EFHC1: variants seen among roughly 807,000 people sequenced by gnomAD.
The protein encoded by EFHC1 is EF-hand domain containing 1.
Under a neutral mutation model 69.9 loss-of-function variants are expected in EFHC1, and 53 were observed. That is an observed-to-expected ratio of 0.76 (90% CI 0.61 to 0.95). EFHC1 has a LOEUF of 0.95. EFHC1 is among the 40% of genes least tolerant of loss of function. The pLI is 0.00. For missense variants in EFHC1, 739 were observed against 798.7 expected, an observed-to-expected ratio of 0.93 and a Z score of 0.90; for synonymous variants, 256 against 278.4, an observed-to-expected ratio of 0.92 and a Z score of 0.80.
chr6:52,447,656 T>G (rs1025584476), intron 3 of EFHC1, among the ~76,000 whole-genome samples: 3 of 152,264 alleles, frequency 2.0e-5, no homozygotes, highest in African/African-American at 7.2e-5. Flanking sequence ...CTCTGATTTT[T>G]AGAATTTTTA....
At chr6:52,481,990 C>T (rs1765686853) in intron 9 of EFHC1, 1 of 152,140 alleles carries the variant, frequency 6.6e-6, no homozygotes, top group African/African-American at 2.4e-5. Context: ...TAAAAAATAA[C>T]ATGCAAAACA....
chr6:52,464,883 A>ATATAAGTTC lies in EFHC1; in HGVS notation c.917-11_917-10insATAAGTTCT. 2 of 1,609,522 alleles carry ATATAAGTTC rather than the reference A, an allele frequency of 1.2e-6. No individual in the cohort carries two copies. The highest frequency in any genetic ancestry group is 1.7e-6 in the Non-Finnish European group (2 of 1,175,874). On this transcript the variant is annotated splice_polypyrimidine_tract_variant and intron_variant, in intron 5 of 10. Transcript: ENST00000371068. Reference sequence around the variant, plus strand: ...TCCTTCTTTTTTTCTCTCTAACACCATCTTATATTAGAGAACTTCCCTCAG... The same window carrying ATATAAGTTC: ...TCCTTCTTTTTTTCTCTCTAACACCATATAAGTTCTCTTATATTAGAGAACTTCCCTCAG...
chr6:52,439,748 A>G (rs1476723255), intron 3 of EFHC1, among the ~76,000 whole-genome samples: 1 of 152,270 alleles, frequency 6.6e-6, no homozygotes, highest in East Asian at 1.9e-4. Flanking sequence ...AAGTAAAGAA[A>G]GGAGCCATGG....
In EFHC1 at chr6:52,447,937, C is replaced by T. The variant is rs532447534; in HGVS notation, c.574-4751C>T. ...TGCCTGATCCTTCCTCTGGAAGCTT[C>T]GTCTCAGAGGGGCACCTGGCTGTAT... On this transcript the variant is annotated intron_variant, in intron 3 of 10. Transcript: ENST00000371068. Among the ~76,000 whole-genome samples the T allele has an allele frequency of 3.3e-5, 5 of 152,318 alleles. No individual in the cohort carries two copies. In the East Asian group the frequency reaches 5.8e-4, roughly 18 times the overall value.
rs60720755 is a variant in EFHC1 at position 52,493,386 on chromosome 6, T to TATATATATA, written c.*1045_*1046insATATATATA. The TATATATATA allele has an allele frequency of 1.2e-3, 147 of 121,242 alleles. 10 individuals are homozygous for TATATATATA. Among genetic ancestry groups the TATATATATA allele is most frequent in the African/African-American group, 2.8e-3 (64 of 23,126 alleles). 7.5% of individuals were successfully genotyped at this position (121,242 alleles called of 1,614,324 possible). ...TCTACATATATATATATATATATAT[T>TATATATATA]TTATATGTACACATTCATACACACA... is the stretch of plus-strand genomic sequence containing the variant. On this transcript the variant is annotated 3_prime_UTR_variant, in exon 11 of 11. Transcript: ENST00000371068.
At chr6:52,441,214 C>A (rs1320281932) in intron 3 of EFHC1, among the ~76,000 whole-genome samples, 2 of 152,012 alleles carry the variant, frequency 1.3e-5, no homozygotes, top group African/African-American at 4.8e-5. Flanking sequence ...TTGCCCATTC[C>A]TATGTTTAGA....
rs749838602 is a variant in EFHC1, at chr6:52,479,045, C to T, written c.1287C>T (p.Pro429=). 14 of 1,613,518 alleles carry T rather than the reference C, an allele frequency of 8.7e-6. No individual in the cohort carries two copies. Among genetic ancestry groups the T allele is most frequent in the Non-Finnish European group, 1.2e-5 (14 of 1,179,952 alleles). ...TTTCTTCACCTTTGTAGGAATCCCC[C>T]ATCCCAGAAGACAAAGACCGCAGAT... is the stretch of plus-strand genomic sequence containing the variant. ...VLRYLAVLES[P]IPEDKDRRFV... is the part of the protein sequence containing the mutation. Residue 429 remains proline (P), a synonymous_variant, in exon 8 of 11, where the codon CCC becomes CCT. Transcript: ENST00000371068.
intron 9 of EFHC1, chr6:52,487,855 T>A (rs1765818816): frequency 6.6e-6 from 1 of 152,272 alleles, no homozygotes; most frequent in African/African-American, 2.4e-5. Context: ...AGCTGGCCCC[T>A]CTGTTTTCTT....
intron 6 of EFHC1, among the ~76,000 whole-genome samples, chr6:52,466,310 G>T (rs541135670): frequency 1.3e-5 from 2 of 152,100 alleles, no homozygotes; most frequent in Non-Finnish European, 2.9e-5. Flanking sequence ...GCCTCCAGTC[G>T]TACTGAGTTC....
chr6:52,458,816 C>A (rs549586420), intron 5 of EFHC1, among the ~76,000 whole-genome samples: 244 of 152,290 alleles, frequency 1.6e-3, no homozygotes, highest in African/African-American at 5.2e-3. Flanking sequence ...ATGTTTATTG[C>A]AGCACTGTTC....
chr6:52,492,809 G>C lies in EFHC1; in HGVS notation c.*468G>C, dbSNP rs114570177. 1 of 440,352 alleles carries C rather than the reference G, an allele frequency of 2.3e-6. No homozygotes were observed. The allele number at this position is 440,352 out of a possible 1,614,324, so 27.3% of individuals were successfully genotyped here. On this transcript the variant is annotated 3_prime_UTR_variant, in exon 11 of 11. Coordinates refer to ENST00000371068, the MANE Select transcript of EFHC1 (RefSeq NM_018100.4). Reference sequence around the variant, plus strand: ...TTTAAAATTATTTTGTAGAGACAAGGTCTTGCTAGGTTGCCTGAACTTGTC... The same window carrying C: ...TTTAAAATTATTTTGTAGAGACAAGCTCTTGCTAGGTTGCCTGAACTTGTC...
chr6:52,464,862 T>A, intron 5 of EFHC1, 33 bp from the exon 6 acceptor site: 1 of 1,588,252 alleles, frequency 6.3e-7, no homozygotes, highest in African/African-American at 1.3e-5. Context: ...ACTCATTCCT[T>A]CTTTTTTTCT....
intron 9 of EFHC1, chr6:52,483,117 A>G (rs566871501): frequency 8.5e-6 from 3 of 353,632 alleles, no homozygotes; most frequent in South Asian, 3.0e-4. Context: ...TGTGATATGC[A>G]TCTGTTTAAT....
intron 7 of EFHC1, among the ~76,000 whole-genome samples, chr6:52,474,422 G>C (rs887680270): frequency 6.6e-6 from 1 of 152,106 alleles, no homozygotes; most frequent in African/African-American, 2.4e-5. Flanking sequence ...TTAATATGTT[G>C]ATGAGAATAT....
intron 1 of EFHC1, 192 bp from the exon 2 acceptor site, chr6:52,423,754 C>G: frequency 7.2e-7 from 1 of 1,396,672 alleles, no homozygotes; most frequent in Non-Finnish European, 9.6e-7. Flanking sequence ...GATTCTCCCT[C>G]TTCAGCCTCC....
chr6:52,469,597 G>T, intron 7 of EFHC1, 124 bp downstream of exon 7: 4 of 1,379,076 alleles, frequency 2.9e-6, no homozygotes, highest in Non-Finnish European at 4.0e-6. Context: ...ACCAACCATT[G>T]TATCTAGTAC....
chr6:52,486,083 G>A (rs753561250), intron 9 of EFHC1: 3 of 152,140 alleles, frequency 2.0e-5, no homozygotes, highest in Non-Finnish European at 4.4e-5. Flanking sequence ...ATAAAGAATC[G>A]CGATCTAAGG....
chr6:52,463,096 C>T (rs1025342466), intron 5 of EFHC1, among the ~76,000 whole-genome samples: 6 of 151,682 alleles, frequency 4.0e-5, no homozygotes, highest in Middle Eastern at 3.4e-3. Context: ...GGCCTGATCT[C>T]GGCTCACTGC....
intron 5 of EFHC1, among the ~76,000 whole-genome samples, chr6:52,464,462 C>T (rs1293210350): frequency 3.3e-5 from 5 of 152,154 alleles, no homozygotes; most frequent in Non-Finnish European, 2.9e-5. Context: ...CAGTATTTAG[C>T]AGTGTACCTA....
Sources: gnomAD v4.1 joint callset for allele counts (sites outside exome capture counted in the v4.1 genomes callset) on GRCh38, gnomAD v4.1.1 for gene constraint, MANE v1.5 for transcripts, NCBI Gene and HGNC (gene_info 2026-07-23, HGNC 2026-07-21) for gene names.